ALG9: variants seen among roughly 807,000 people sequenced by gnomAD.
The protein encoded by ALG9 is ALG9 alpha-1,2-mannosyltransferase, also known as alpha-1,2-mannosyltransferase ALG9.
A neutral mutation model predicts 81.8 loss-of-function variants in ALG9; 55 were observed. The observed-to-expected ratio is 0.67, with a 90% CI of 0.54 to 0.84. The LOEUF is 0.84. Among genes scored for constraint, ALG9 ranks in the 40% least tolerant of loss-of-function variants. The pLI, the probability that ALG9 is intolerant of heterozygous loss-of-function variation, is 0.00. For synonymous variants in ALG9, 278 were observed against 274.3 expected, an observed-to-expected ratio of 1.01 and a Z score of -0.13; for missense variants, 629 against 745.0, an observed-to-expected ratio of 0.84 and a Z score of 1.81.
intron 8 of ALG9, among the ~76,000 whole-genome samples, chr11:111,848,007 G>C (rs1441340704): frequency 5.9e-5 from 9 of 152,158 alleles, no homozygotes; most frequent in Admixed American, 3.3e-4. Flanking sequence ...CCAAACTCCA[G>C]GGTTTTGCTA....
chr11:111,859,651 G>C (rs554475115), intron 5 of ALG9, among the ~76,000 whole-genome samples: 12 of 152,136 alleles, frequency 7.9e-5, no homozygotes, highest in Admixed American at 6.5e-4. Flanking sequence ...AGGACAAAGG[G>C]GGCAGAGGAA....
Position 111,786,371 on chromosome 11 carries a change from TGTC to T in ALG9, c.*23_*25del. The T allele has an allele frequency of 6.2e-6, 10 of 1,613,622 alleles. No individual in the cohort carries two copies. The highest frequency in any genetic ancestry group is 7.6e-6 in the Non-Finnish European group (9 of 1,179,684). On this transcript the variant is annotated 3_prime_UTR_variant, in exon 15 of 15. Transcript: ENST00000616540. Reference sequence around the variant, plus strand: ...TGGAATCAATAGTTAACAAGATGGTTGTCCTTTGGGGCCACAGGTGTGTTGCTA... The same window carrying T: ...TGGAATCAATAGTTAACAAGATGGTTCTTTGGGGCCACAGGTGTGTTGCTA...
chr11:111,786,673 G>A (rs557599556), intron 14 of ALG9, among the ~76,000 whole-genome samples, 153 bp from the exon 15 acceptor site: 10 of 152,132 alleles, frequency 6.6e-5, no homozygotes, highest in South Asian at 4.1e-4. Flanking sequence ...ACTAGATCAC[G>A]ATAAAAGACT....
chr11:111,815,813 G>A (rs1358027771), intron 13 of ALG9, among the ~76,000 whole-genome samples: 1 of 152,200 alleles, frequency 6.6e-6, no homozygotes, highest in African/African-American at 2.4e-5. Context: ...TATAAAAATA[G>A]CTGGAATATC....
At chr11:111,781,413 G>C (rs1195663147), downstream of ALG9, among the ~76,000 whole-genome samples, 1 of 152,138 alleles carries the variant, frequency 6.6e-6, no homozygotes, top group Admixed American at 6.6e-5. Flanking sequence ...CCTGAACAAT[G>C]TAACACATGC....
At chr11:111,860,843 A>AATGT (rs1555147276) in intron 4 of ALG9, among the ~76,000 whole-genome samples, 1 of 152,182 alleles carries the variant, frequency 6.6e-6, no homozygotes, top group East Asian at 1.9e-4. Context: ...CCTAAAAGAA[A>AATGT]ATGTATTCTT....
In ALG9 at chr11:111,871,317, C is replaced by T. The variant is rs548845131; in HGVS notation, c.131+35G>A. 2.4e-5 allele frequency: 34 copies of T among 1,388,378 alleles called. No individual in the cohort carries two copies. In the African/African-American group the frequency reaches 3.1e-4, roughly 12 times the overall value. The allele number at this position is 1,388,378 out of a possible 1,614,324, so 86.0% of individuals were successfully genotyped here. On this transcript the variant is annotated intron_variant, in intron 1 of 14. Transcript: ENST00000616540. ...CGGGGGCAGCCCCGAACCGCCCCGC[C>T]GGCCGGCCACGCCCCTGCCGCGCCG...
chr11:111,796,789 C>T (rs781865583), intron 14 of ALG9, among the ~76,000 whole-genome samples: 5 of 152,064 alleles, frequency 3.3e-5, no homozygotes, highest in Non-Finnish European at 5.9e-5. Context: ...TTCTTGGCAT[C>T]GCTGAGGAAG....
At position 111,871,342 on chromosome 11, in the gene ALG9, G is replaced by A. The variant is rs1964234799; in HGVS notation, c.131+10C>T. 4 of 1,495,182 alleles carry A rather than the reference G, an allele frequency of 2.7e-6. No individual in the cohort carries two copies. Among genetic ancestry groups the A allele is most frequent in the South Asian group, 1.2e-5 (1 of 80,094 alleles). 92.6% of individuals were successfully genotyped at this position (1,495,182 alleles called of 1,614,324 possible). A position where few individuals can be genotyped will look rare whatever the true frequency, so the allele number is the denominator to read the frequency against. ...CGGCCGGCCACGCCCCTGCCGCGCC[G>A]CACACGTACTCGGTCCGGTGCTCCG... On this transcript the variant is annotated intron_variant, in intron 1 of 14. Transcript: ENST00000616540.
Position 111,856,007 on chromosome 11 carries a change from G to A in ALG9, c.701+1595C>T, listed in dbSNP as rs544604320. 5.3e-5 allele frequency among the ~76,000 whole-genome samples: 8 copies of A among 152,166 alleles called. No individual in the cohort carries two copies. In the East Asian group the frequency reaches 5.8e-4, roughly 11 times the overall value. On this transcript the variant is annotated intron_variant, in intron 6 of 14. Coordinates refer to ENST00000616540, the MANE Select transcript of ALG9 (RefSeq NM_024740.2). ...TAATAATGTTCACTGGGCCGGACAC[G>A]ATGGCTCACACCTGTAAACCCAACA...
chr11:111,867,498 T>C (rs1375326408), intron 3 of ALG9, among the ~76,000 whole-genome samples: 3 of 151,978 alleles, frequency 2.0e-5, no homozygotes, highest in Admixed American at 2.0e-4. Flanking sequence ...TAAAAAAAAT[T>C]AGAAGATATA....
intron 11 of ALG9, 112 bp from the exon 12 acceptor site, chr11:111,837,727 G>A: frequency 4.9e-6 from 6 of 1,228,440 alleles, no homozygotes; most frequent in Non-Finnish European, 7.0e-6. Flanking sequence ...TAAAAGGCAG[G>A]AAGGGCCATA....
chr11:111,871,178 C>T, intron 1 of ALG9, 174 bp downstream of exon 1: 1 of 1,297,338 alleles, frequency 7.7e-7, no homozygotes, highest in Non-Finnish European at 9.7e-7. Context: ...TGGGCGAAGA[C>T]TGAATGCTGA....
intron 14 of ALG9, among the ~76,000 whole-genome samples, chr11:111,805,467 T>C (rs1341320806): frequency 6.6e-6 from 1 of 152,242 alleles, no homozygotes; most frequent in Non-Finnish European, 1.5e-5. Flanking sequence ...AATGGAATAT[T>C]ATTCAGAGTT....
intron 2 of ALG9, among the ~76,000 whole-genome samples, chr11:111,869,471 A>C (rs782084905): frequency 5.9e-5 from 9 of 152,230 alleles, no homozygotes; most frequent in Non-Finnish European, 5.9e-5. Flanking sequence ...AGTGAAAAAA[A>C]GTGGTTGCTT....
At chr11:111,795,951 A>T (rs1197273347) in intron 14 of ALG9, among the ~76,000 whole-genome samples, 1 of 152,182 alleles carries the variant, frequency 6.6e-6, no homozygotes, top group Non-Finnish European at 1.5e-5. Context: ...TGTCCCATTC[A>T]TCAGTCCTGT....
At chr11:111,864,374 C>A (rs544753138) in intron 4 of ALG9, 12 of 765,966 alleles carry the variant, frequency 1.6e-5, no homozygotes, top group African/African-American at 1.5e-4. Flanking sequence ...ATTCTGTCTG[C>A]AGAATGTTCA....
chr11:111,834,798 A>C (rs891379801), intron 13 of ALG9, among the ~76,000 whole-genome samples: 4 of 152,180 alleles, frequency 2.6e-5, no homozygotes, highest in Non-Finnish European at 5.9e-5. Context: ...CAGGAGACTC[A>C]TATCTGCAGA....
intron 6 of ALG9, among the ~76,000 whole-genome samples, chr11:111,854,263 ATTTTTTTTTTTTT>A: frequency 1.2e-5 from 1 of 83,260 alleles, no homozygotes; most frequent in South Asian, 4.1e-4. Context: ...GCCCTGGCTA[ATTTTTTTTTTTTT>A]TTTTTTTTTT....
Sources: gnomAD v4.1 joint callset for allele counts (sites outside exome capture counted in the v4.1 genomes callset) on GRCh38, gnomAD v4.1.1 for gene constraint, MANE v1.5 for transcripts, NCBI Gene and HGNC (gene_info 2026-07-23, HGNC 2026-07-21) for gene names.